The following CCDC192 variants were observed in gnomAD, a reference collection of about 807,000 sequenced individuals.
CCDC192 encodes coiled-coil domain containing 192.
At chr5:127,911,961 G>C (rs1012304869) in intron 6 of CCDC192, among the ~76,000 whole-genome samples, 1 of 151,224 alleles carries the variant, frequency 6.6e-6, no homozygotes, top group East Asian at 1.9e-4. Flanking sequence ...TTGCTCTGTC[G>C]CCCAGGCTGG....
At position 127,861,732 on chromosome 5, in the gene CCDC192, A is replaced by T. The variant is rs955121589; in HGVS notation, c.412-13806A>T. Among the ~76,000 whole-genome samples, 8 of 87,552 alleles carry T rather than the reference A, an allele frequency of 9.1e-5. 1 individual carries two copies. In the South Asian group the frequency reaches 2.4e-3, roughly 26 times the overall value. The allele number at this position is 87,552 out of a possible 152,430, so 57.4% of individuals were successfully genotyped here. On this transcript the variant is annotated intron_variant, in intron 5 of 6. Transcript: ENST00000514853. ...GAACATTTGACGCTCAAAGCATTTA[A>T]ACCATATGAGTTAATTCATGTGTAT... is the stretch of plus-strand genomic sequence containing the variant.
chr5:127,720,442 G>C (rs542071670), intron 2 of CCDC192, among the ~76,000 whole-genome samples: 1 of 152,214 alleles, frequency 6.6e-6, no homozygotes, highest in African/African-American at 2.4e-5. Flanking sequence ...TTCTGCAGGG[G>C]ACAGCCACCA....
At chr5:127,881,583 A>G (rs1580790462) in intron 6 of CCDC192, among the ~76,000 whole-genome samples, 1 of 152,176 alleles carries the variant, frequency 6.6e-6, no homozygotes, top group African/African-American at 2.4e-5. Flanking sequence ...GTGCTACCAA[A>G]CTTCTTTCTT....
At chr5:127,719,829 A>AGT (rs375798829) in intron 2 of CCDC192, among the ~76,000 whole-genome samples, 2 of 94,412 alleles carry the variant, frequency 2.1e-5, no homozygotes, top group Non-Finnish European at 4.1e-5. Context: ...GATCAGAGGA[A>AGT]GGGGCGGGGG....
intron 2 of CCDC192, among the ~76,000 whole-genome samples, chr5:127,752,506 C>T (rs1235745936): frequency 6.6e-6 from 1 of 152,352 alleles, no homozygotes; most frequent in East Asian, 1.9e-4. Context: ...AGAACCACTG[C>T]TCTCTTCAAA....
At chr5:127,868,009 CTT>C (rs11440985) in intron 5 of CCDC192, among the ~76,000 whole-genome samples, 17 of 133,444 alleles carry the variant, frequency 1.3e-4, no homozygotes, top group East Asian at 2.2e-4. Context: ...TTTTCTTTTT[CTT>C]TTTTTTTTTT....
chr5:127,880,708 G>T (rs1758371675), intron 6 of CCDC192, among the ~76,000 whole-genome samples: 2 of 152,010 alleles, frequency 1.3e-5, no homozygotes, highest in Admixed American at 1.3e-4. Flanking sequence ...GGCCAGGCAC[G>T]GTGGCTCACA....
intron 3 of CCDC192, among the ~76,000 whole-genome samples, chr5:127,759,416 G>A (rs1357400309): frequency 6.6e-6 from 1 of 152,138 alleles, no homozygotes; most frequent in Non-Finnish European, 1.5e-5. Context: ...GAGACTCAAG[G>A]GATCTCCCTC....
chr5:127,863,689 A>G (rs1265588765), intron 5 of CCDC192, among the ~76,000 whole-genome samples: 3 of 152,266 alleles, frequency 2.0e-5, no homozygotes, highest in African/African-American at 4.8e-5. Context: ...TAAAATTAAC[A>G]TGGTACATTT....
chr5:127,817,724 A>C (rs1749089620), intron 5 of CCDC192, among the ~76,000 whole-genome samples: 1 of 152,202 alleles, frequency 6.6e-6, no homozygotes, highest in Non-Finnish European at 1.5e-5. Flanking sequence ...TGAATATACT[A>C]ATATTGCTGA....
intron 3 of CCDC192, among the ~76,000 whole-genome samples, chr5:127,768,664 T>C (rs542139261): frequency 6.6e-6 from 1 of 152,348 alleles, no homozygotes; most frequent in South Asian, 2.1e-4. Flanking sequence ...GGAGGTCTAT[T>C]TTATGTGCGT....
At chr5:127,870,525 C>A (rs1751806326) in intron 5 of CCDC192, among the ~76,000 whole-genome samples, 1 of 152,242 alleles carries the variant, frequency 6.6e-6, no homozygotes, top group African/African-American at 2.4e-5. Context: ...GCTGTCTACT[C>A]ACTATACAAC....
chr5:127,781,645 T>C (rs1240260966), intron 3 of CCDC192, among the ~76,000 whole-genome samples: 1 of 151,922 alleles, frequency 6.6e-6, no homozygotes, highest in Non-Finnish European at 1.5e-5. Flanking sequence ...ACTTGGTTGC[T>C]GTTGGTGTAT....
chr5:127,923,954 G>A (rs1753802503), intron 6 of CCDC192, among the ~76,000 whole-genome samples: 2 of 152,152 alleles, frequency 1.3e-5, no homozygotes, highest in Admixed American at 1.3e-4. Context: ...GCTACCAAAT[G>A]AGCTAACCCT....
intron 5 of CCDC192, among the ~76,000 whole-genome samples, chr5:127,816,090 A>G (rs567262223): frequency 6.6e-6 from 1 of 152,276 alleles, no homozygotes; most frequent in East Asian, 1.9e-4. Flanking sequence ...TATGTGTTAG[A>G]GAAAAGTAAT....
upstream of CCDC192, among the ~76,000 whole-genome samples, chr5:127,702,607 A>G (rs1408948371): frequency 6.6e-6 from 1 of 152,224 alleles, no homozygotes; most frequent in African/African-American, 2.4e-5. Context: ...GATTAGAAAC[A>G]TTGCTGTCAT....
chr5:127,852,004 A>G (rs1305954229), intron 5 of CCDC192, among the ~76,000 whole-genome samples: 1 of 152,252 alleles, frequency 6.6e-6, no homozygotes, highest in Non-Finnish European at 1.5e-5. Context: ...AACCAGTTTT[A>G]TAACCATTCA....
At chr5:127,740,614 A>T (rs115451408) in intron 2 of CCDC192, among the ~76,000 whole-genome samples, 2,473 of 152,282 alleles carry the variant, frequency 0.016, 61 homozygotes, top group African/African-American at 0.056. Context: ...TAAATTTTTT[A>T]AAAAATTTAC....
Position 127,799,847 on chromosome 5 carries a change from A to G in CCDC192, c.411+1685A>G, listed in dbSNP as rs1210763236. ...GTAATTGTCCAACATTCAGGTTTCA[A>G]TACAACAGTGTATTCATGAAAGTTT... On this transcript the variant is annotated intron_variant, in intron 5 of 6. Transcript: ENST00000514853. Among the ~76,000 whole-genome samples, 3 of 152,206 alleles carry G rather than the reference A, an allele frequency of 2.0e-5. No homozygotes were observed. In the East Asian group the frequency reaches 5.8e-4, roughly 29 times the overall value.
Sources: gnomAD v4.1 joint callset for allele counts (sites outside exome capture counted in the v4.1 genomes callset) on GRCh38, gnomAD v4.1.1 for gene constraint, MANE v1.5 for transcripts, NCBI Gene and HGNC (gene_info 2026-07-23, HGNC 2026-07-21) for gene names.